The following NDC1 variants were observed in gnomAD, a reference collection of about 807,000 sequenced individuals.
NDC1 encodes nucleoporin NDC1.
A neutral mutation model predicts 89.8 loss-of-function variants in NDC1; 24 were observed. That is an observed-to-expected ratio of 0.27 (90% CI 0.19 to 0.38). The LOEUF (loss-of-function observed/expected upper bound fraction) is 0.38. Ranked by LOEUF, NDC1 falls within the 10% of genes least tolerant of loss-of-function variation. The pLI is 1.00. For missense variants in NDC1, 728 were observed against 797.6 expected (o/e 0.91, Z 1.05); for synonymous variants, 296 against 284.8 (o/e 1.04, Z -0.39).
chr1:53,796,994 C>T lies in NDC1; in HGVS notation c.1373G>A (p.Arg458Gln), dbSNP rs1423835292. Residue 458 changes from arginine to glutamine, a missense_variant, in exon 12 of 18, where the codon CGG becomes CAG. Arg to Gln is a conservative substitution (Grantham distance 43, BLOSUM62 1). Transcript: ENST00000371429. The stretch of plus-strand genomic sequence containing the variant: ...GTTTACATCAAAAATTCCAGCCATC[C>T]GATTCATTACACTAGAGCCAAATGG... ...GTPFGSSVMN[R>Q]MAGIFDVNTC... The T allele has an allele frequency of 2.3e-5, 37 of 1,613,962 alleles. No homozygotes were observed. Among genetic ancestry groups the T allele is most frequent in the Non-Finnish European group, 2.9e-5 (34 of 1,180,022 alleles).
chr1:53,780,515 A>G (rs530484350), intron 16 of NDC1, among the ~76,000 whole-genome samples: 122 of 152,180 alleles, frequency 8.0e-4, no homozygotes, highest in Non-Finnish European at 1.3e-3. Flanking sequence ...TCACATGCTA[A>G]TTGCTTGATA....
At chr1:53,809,317 G>A (rs984168099) in intron 7 of NDC1, among the ~76,000 whole-genome samples, 4 of 152,172 alleles carry the variant, frequency 2.6e-5, no homozygotes, top group Non-Finnish European at 5.9e-5. Flanking sequence ...GGTGAGTGGA[G>A]ACAGAGGAGG....
At position 53,781,426 on chromosome 1, in the gene NDC1, C is replaced by T. The variant is rs527956876; in HGVS notation, c.1800+5732G>A. Among the ~76,000 whole-genome samples the T allele has an allele frequency of 7.9e-4, 120 of 152,262 alleles. 1 individual carries two copies. Among genetic ancestry groups the T allele is most frequent in the African/African-American group, 2.6e-3 (110 of 41,550 alleles). ...ATCATTCAAATGAAAGTACATATGT[C>T]CCTTATAATAACAGTGATCTCCAGG... On this transcript the variant is annotated intron_variant, in intron 16 of 17. Transcript: ENST00000371429.
At chr1:53,832,424 T>C in intron 3 of NDC1, 66 bp downstream of exon 3, 1 of 817,864 alleles carries the variant, frequency 1.2e-6, no homozygotes, top group South Asian at 1.6e-5. Flanking sequence ...ATATAAAATG[T>C]ACTAAGTCTT....
chr1:53,820,701 C>CTTTTTTT (rs927514677), intron 5 of NDC1, among the ~76,000 whole-genome samples: 3 of 74,880 alleles, frequency 4.0e-5, no homozygotes, highest in African/African-American at 5.6e-5. Flanking sequence ...ACTTCTCTCT[C>CTTTTTTT]TTTTTTTTTT....
intron 3 of NDC1, among the ~76,000 whole-genome samples, chr1:53,832,208 G>A (rs574290396): frequency 5.3e-5 from 8 of 151,908 alleles, no homozygotes; most frequent in South Asian, 2.1e-4. Context: ...CTCCCCCAGC[G>A]CCTGGTAACC....
chr1:53,778,580 C>G (rs1340270395), intron 16 of NDC1, among the ~76,000 whole-genome samples: 1 of 150,964 alleles, frequency 6.6e-6, no homozygotes, highest in Non-Finnish European at 1.5e-5. Flanking sequence ...AAGTGAGACC[C>G]TGTCTCTTTA....
At chr1:53,798,931 TTA>T (rs1282583062) in intron 11 of NDC1, among the ~76,000 whole-genome samples, 2 of 152,238 alleles carry the variant, frequency 1.3e-5, no homozygotes, top group Non-Finnish European at 2.9e-5. Context: ...ACTGGAGTTT[TTA>T]AGAGTTTTAC....
intron 5 of NDC1, among the ~76,000 whole-genome samples, chr1:53,822,330 G>A (rs141210904): frequency 2.6e-5 from 4 of 151,778 alleles, no homozygotes; most frequent in East Asian, 3.9e-4. Context: ...GCAAAACTCC[G>A]TCTCAAAAAA....
chr1:53,772,256 T>C (rs1570150958), intron 17 of NDC1, 73 bp downstream of exon 17: 2 of 1,341,792 alleles, frequency 1.5e-6, no homozygotes, highest in East Asian at 2.3e-5. Flanking sequence ...ATGAGCCTTA[T>C]CATTCCCATA....
Position 53,818,980 on chromosome 1 carries a change from A to G in NDC1, c.694T>C (p.Tyr232His). Residue 232 changes from tyrosine to histidine, a missense_variant, in exon 6 of 18, where the codon TAT becomes CAT. By Grantham distance (83) the Tyr-to-His change is moderately conservative. Transcript: ENST00000371429. ...AAGCAGAAATTCTTACCAAGAAAAT[A>G]ATATAAAATGCAGAAATTTCTAACC... is the stretch of plus-strand genomic sequence containing the variant. ...FLVRNFCILY[Y>H]FLGYIPKAWI... 1 of 1,461,924 alleles carries G rather than the reference A, an allele frequency of 6.8e-7. No individual in the cohort carries two copies. Among genetic ancestry groups the G allele is most frequent in the Non-Finnish European group, 9.4e-7 (1 of 1,064,902 alleles). The allele number at this position is 1,461,924 out of a possible 1,614,324, so 90.6% of individuals were successfully genotyped here. A position where few individuals can be genotyped will look rare whatever the true frequency, so the allele number is the denominator to read the frequency against.
In NDC1 at chr1:53,793,175, T is replaced by C. The variant is rs745722920; in HGVS notation, c.1635+54A>G. On this transcript the variant is annotated intron_variant, in intron 14 of 17. Transcript: ENST00000371429. ...GTCAGATCCTATCTGCTACTTTATT[T>C]CATATTTCATTTCCTCCCTCCCCAT... The C allele has an allele frequency of 1.1e-4, 161 of 1,403,820 alleles. 1 individual carries two copies. The highest frequency in any genetic ancestry group is 2.0e-4 in the East Asian group (9 of 43,982). 87.0% of individuals were successfully genotyped at this position (1,403,820 alleles called of 1,614,324 possible).
In NDC1 at chr1:53,807,325, T is replaced by C. The variant is rs141024681; in HGVS notation, c.891+331A>G. ...TTTAATAGTAGCTATGCCAATGACA[T>C]GGAAAATTAATTTAAAATTCAAGTC... is the stretch of plus-strand genomic sequence containing the variant. On this transcript the variant is annotated intron_variant, in intron 8 of 17. Transcript: ENST00000371429. Among the ~76,000 whole-genome samples the C allele has an allele frequency of 1.5e-4, 23 of 149,600 alleles. No individual in the cohort carries two copies. The East Asian group carries it at 4.3e-3, about 28-fold the overall frequency.
intron 1 of NDC1, 74 bp downstream of exon 1, chr1:53,838,131 C>A: frequency 1.4e-6 from 2 of 1,409,704 alleles, no homozygotes; most frequent in Non-Finnish European, 9.6e-7. Context: ...CCCCGCCCAG[C>A]GCGCACGCGC....
chr1:53,806,049 G>T (rs936380291), intron 9 of NDC1, among the ~76,000 whole-genome samples: 1 of 152,124 alleles, frequency 6.6e-6, no homozygotes, highest in African/African-American at 2.4e-5. Context: ...ACTCCAGCCT[G>T]GGCGACAGAG....
chr1:53,828,243 CCT>C (rs780888333), intron 3 of NDC1, 70 bp from the exon 4 acceptor site: 3 of 1,350,596 alleles, frequency 2.2e-6, no homozygotes, highest in East Asian at 2.4e-5. Flanking sequence ...TAAACTATCC[CCT>C]CTCATCCTTG....
intron 16 of NDC1, among the ~76,000 whole-genome samples, chr1:53,780,617 AG>A (rs979765309): frequency 6.6e-6 from 1 of 152,196 alleles, no homozygotes; most frequent in African/African-American, 2.4e-5. Context: ...TCAAGTGACG[AG>A]GCAAAAAATA....
intron 16 of NDC1, among the ~76,000 whole-genome samples, chr1:53,780,354 G>A (rs1647195529): frequency 3.3e-5 from 5 of 152,158 alleles, no homozygotes; most frequent in Admixed American, 2.0e-4. Flanking sequence ...GATTACAGGC[G>A]TGAGCCACCG....
chr1:53,823,833 T>A (rs995845623), intron 5 of NDC1, among the ~76,000 whole-genome samples: 1 of 151,970 alleles, frequency 6.6e-6, no homozygotes, highest in Admixed American at 6.6e-5. Context: ...TGCAGGGAGG[T>A]GAGGGCCAGA....
Sources: allele counts gnomAD v4.1 joint callset (sites outside exome capture counted in the v4.1 genomes callset), GRCh38; gene constraint gnomAD v4.1.1; transcripts MANE v1.5; gene names NCBI Gene and HGNC (gene_info 2026-07-23, HGNC 2026-07-21).